GOLM1: variants seen among roughly 807,000 people sequenced by gnomAD.
The protein encoded by GOLM1 is golgi membrane protein 1.
Under a neutral mutation model 50.5 loss-of-function variants are expected in GOLM1, and 31 were observed. The ratio of observed to expected loss-of-function variants is 0.61; its 90% CI spans 0.46 to 0.83. GOLM1 has a LOEUF of 0.83. Ranked by LOEUF, GOLM1 falls within the 40% of genes least tolerant of loss-of-function variation. The pLI is 0.00. For synonymous variants in GOLM1, 178 were observed against 192.8 expected (o/e 0.92, Z 0.64); for missense variants, 491 against 501.3 (o/e 0.98, Z 0.20).
chr9:86,078,405 G>A (rs1056995762), intron 2 of GOLM1, among the ~76,000 whole-genome samples: 1 of 152,186 alleles, frequency 6.6e-6, no homozygotes, highest in African/African-American at 2.4e-5. Flanking sequence ...GGAGTCAGTG[G>A]ATGGAAATCG....
In GOLM1 at chr9:86,035,671, T is replaced by TAA. The variant is rs375193474; in HGVS notation, c.758-48_758-47dup. The TAA allele has an allele frequency of 6.4e-3, 5,599 of 869,634 alleles. 104 individuals carry two copies. In the African/African-American group the frequency reaches 0.07, roughly 11 times the overall value. 53.9% of individuals were successfully genotyped at this position (869,634 alleles called of 1,614,324 possible). A position where few individuals can be genotyped will look rare whatever the true frequency, so the allele number is the denominator to read the frequency against. The stretch of plus-strand genomic sequence containing the variant: ...GCTGTGACCTTGCCAGCATTTGATT[T>TAA]AAAAAAAAAAAAAAAAAAAAAAGCA... On this transcript the variant is annotated intron_variant, in intron 7 of 9. Coordinates refer to ENST00000388712, the MANE Select transcript of GOLM1 (RefSeq NM_016548.4).
At chr9:86,091,836 G>A (rs1377636351) in intron 1 of GOLM1, among the ~76,000 whole-genome samples, 1 of 152,214 alleles carries the variant, frequency 6.6e-6, no homozygotes, top group Non-Finnish European at 1.5e-5. Context: ...TTCAAGGGAA[G>A]TGTACAGATA....
intron 3 of GOLM1, among the ~76,000 whole-genome samples, chr9:86,071,788 G>A (rs1045062588): frequency 6.6e-6 from 1 of 152,084 alleles, no homozygotes; most frequent in Non-Finnish European, 1.5e-5. Flanking sequence ...AAATTATTAA[G>A]CATAGCTCAC....
chr9:86,035,764 G>A, intron 7 of GOLM1, 139 bp from the exon 8 acceptor site: 1 of 702,408 alleles, frequency 1.4e-6, no homozygotes, highest in Non-Finnish European at 2.3e-6. Context: ...GCACACAGGA[G>A]AACAACCAGG....
chr9:86,090,092 T>G (rs764498951), intron 1 of GOLM1, among the ~76,000 whole-genome samples: 6 of 152,086 alleles, frequency 3.9e-5, no homozygotes, highest in Non-Finnish European at 7.4e-5. Flanking sequence ...AAAGCAAAGA[T>G]TGCTGCCTGT....
chr9:86,058,762 C>T (rs1459960188), intron 3 of GOLM1, among the ~76,000 whole-genome samples: 4 of 150,792 alleles, frequency 2.7e-5, no homozygotes, highest in Non-Finnish European at 2.9e-5. Context: ...TTTGGAAGTC[C>T]GAGGCGGGCG....
At position 86,058,458 on chromosome 9, in the gene GOLM1, C is replaced by T. The variant is rs1234152032; in HGVS notation, c.310-5867G>A. Among the ~76,000 whole-genome samples, 3 of 152,242 alleles carry T rather than the reference C, an allele frequency of 2.0e-5. No individual in the cohort carries two copies. In the East Asian group the frequency reaches 5.8e-4, roughly 29 times the overall value. On this transcript the variant is annotated intron_variant, in intron 3 of 9. Coordinates refer to ENST00000388712, the MANE Select transcript of GOLM1 (RefSeq NM_016548.4). ...GCGCGGTGGCTCATGCCTGTAATCC[C>T]AGCACTTTGGGAGGCCGAGGCAGGT...
At chr9:86,071,412 C>T (rs1308923426) in intron 3 of GOLM1, among the ~76,000 whole-genome samples, 1 of 152,032 alleles carries the variant, frequency 6.6e-6, no homozygotes, top group East Asian at 1.9e-4. Flanking sequence ...GGCATGGTAG[C>T]TCATGCCTGT....
intron 3 of GOLM1, among the ~76,000 whole-genome samples, chr9:86,053,798 C>T (rs1056762555): frequency 1.2e-5 from 1 of 80,656 alleles, no homozygotes; most frequent in Non-Finnish European, 2.9e-5. Context: ...CCGCTCCACA[C>T]AACACCATAC....
At chr9:86,079,456 T>A (rs1834722316) in intron 1 of GOLM1, 115 bp from the exon 2 acceptor site, 1 of 770,154 alleles carries the variant, frequency 1.3e-6, no homozygotes, top group African/African-American at 1.7e-5. Context: ...CGTGGGCTGG[T>A]AGCTTCTCCT....
At chr9:86,056,694 C>T (rs984685034) in intron 3 of GOLM1, among the ~76,000 whole-genome samples, 1 of 151,802 alleles carries the variant, frequency 6.6e-6, no homozygotes, top group African/African-American at 2.4e-5. Context: ...TTAGTAGAGA[C>T]AGGGTTTCAC....
chr9:86,100,076 C>A (rs1469809737), upstream of GOLM1: 1 of 152,264 alleles, frequency 6.6e-6, no homozygotes, highest in Non-Finnish European at 1.5e-5. Flanking sequence ...ATCATCTCGC[C>A]TCGGTTGTCA....
intron 3 of GOLM1, among the ~76,000 whole-genome samples, chr9:86,068,879 CAG>C (rs1371814480): frequency 2.0e-5 from 3 of 152,168 alleles, no homozygotes; most frequent in Non-Finnish European, 4.4e-5. Flanking sequence ...AACAGGTATG[CAG>C]AGTCCTCTTG....
chr9:86,087,740 C>T (rs529732145), intron 1 of GOLM1, among the ~76,000 whole-genome samples: 8 of 152,114 alleles, frequency 5.3e-5, no homozygotes, highest in East Asian at 1.9e-4. Flanking sequence ...TGATGGATTA[C>T]GTCTACTAAT....
At chr9:86,052,640 C>T in intron 3 of GOLM1, 49 bp from the exon 4 acceptor site, 1 of 1,520,004 alleles carries the variant, frequency 6.6e-7, no homozygotes, top group Admixed American at 1.7e-5. Flanking sequence ...ACACCTCAGC[C>T]TGACAGCCAG....
intron 3 of GOLM1, among the ~76,000 whole-genome samples, chr9:86,067,807 A>G (rs1249977296): frequency 1.3e-5 from 2 of 152,122 alleles, no homozygotes; most frequent in Admixed American, 6.5e-5. Flanking sequence ...GTTCAAGACC[A>G]GCCTAGCCAA....
At chr9:86,060,785 G>A (rs574840437) in intron 3 of GOLM1, among the ~76,000 whole-genome samples, 4 of 148,694 alleles carry the variant, frequency 2.7e-5, no homozygotes, top group Non-Finnish European at 4.5e-5. Context: ...GGCTGAGGCA[G>A]GAGAATTGCT....
intron 5 of GOLM1, among the ~76,000 whole-genome samples, chr9:86,045,410 C>T (rs1218503964): frequency 6.6e-6 from 1 of 151,370 alleles, no homozygotes; most frequent in Non-Finnish European, 1.5e-5. Flanking sequence ...CAGTGGCTCA[C>T]ACCTGTAATC....
At chr9:86,061,395 T>C (rs993270979) in intron 3 of GOLM1, among the ~76,000 whole-genome samples, 5 of 152,224 alleles carry the variant, frequency 3.3e-5, no homozygotes, top group African/African-American at 1.2e-4. Context: ...ATTTCACTCC[T>C]AAAATTAAGC....
Sources: gnomAD v4.1 joint callset for allele counts (sites outside exome capture counted in the v4.1 genomes callset) on GRCh38, gnomAD v4.1.1 for gene constraint, MANE v1.5 for transcripts, NCBI Gene and HGNC (gene_info 2026-07-23, HGNC 2026-07-21) for gene names.